The following RFX3 variants were observed in gnomAD, a reference collection of about 807,000 sequenced individuals.
RFX3 encodes transcription factor RFX3.
A neutral mutation model predicts 98.6 loss-of-function variants in RFX3; 14 were observed. The observed-to-expected ratio is 0.14, with a 90% CI of 0.09 to 0.22. RFX3 has a LOEUF of 0.22. RFX3 is among the 10% of genes least tolerant of loss of function. The pLI is 1.00. For missense variants in RFX3, 639 were observed against 926.9 expected, an observed-to-expected ratio of 0.69 and a Z score of 4.03; for synonymous variants, 383 against 328.4, an observed-to-expected ratio of 1.17 and a Z score of -1.80.
intron 1 of RFX3, among the ~76,000 whole-genome samples, chr9:3,441,228 A>G (rs1418694374): frequency 6.6e-6 from 1 of 152,146 alleles, no homozygotes; most frequent in African/African-American, 2.4e-5. Flanking sequence ...AATGAATTAC[A>G]TGGTATGAGA....
intron 1 of RFX3, among the ~76,000 whole-genome samples, chr9:3,512,795 A>G (rs930468780): frequency 6.6e-6 from 1 of 152,074 alleles, no homozygotes; most frequent in African/African-American, 2.4e-5. Context: ...TGTTCATTCA[A>G]TAAATTATTT....
chr9:3,464,991 T>G (rs1274464731), intron 1 of RFX3, among the ~76,000 whole-genome samples: 2 of 152,194 alleles, frequency 1.3e-5, no homozygotes, highest in African/African-American at 4.8e-5. Flanking sequence ...TTTTACCACT[T>G]AATTTATATT....
At chr9:3,406,496 T>C (rs984060328) in intron 1 of RFX3, among the ~76,000 whole-genome samples, 1 of 151,996 alleles carries the variant, frequency 6.6e-6, no homozygotes, top group Admixed American at 6.6e-5. Context: ...ATCACATCTA[T>C]AGTGTAACTG....
intron 1 of RFX3, among the ~76,000 whole-genome samples, chr9:3,442,856 C>T (rs1587690677): frequency 1.3e-5 from 2 of 152,002 alleles, no homozygotes; most frequent in East Asian, 3.8e-4. Context: ...ATGCTAATAG[C>T]ACAATCCATA....
chr9:3,432,597 T>C (rs1055658097), intron 1 of RFX3, among the ~76,000 whole-genome samples: 2 of 151,990 alleles, frequency 1.3e-5, no homozygotes, highest in African/African-American at 4.8e-5. Flanking sequence ...AAAAAAAAGG[T>C]AATGGATGAA....
intron 1 of RFX3, among the ~76,000 whole-genome samples, chr9:3,497,967 T>A (rs1257231207): frequency 1.3e-5 from 2 of 152,024 alleles, no homozygotes; most frequent in East Asian, 3.8e-4. Context: ...CTTTTCCAAA[T>A]GCTGACACAA....
At chr9:3,259,369 T>C (rs1179464625) in intron 13 of RFX3, among the ~76,000 whole-genome samples, 1 of 152,046 alleles carries the variant, frequency 6.6e-6, no homozygotes, top group Non-Finnish European at 1.5e-5. Context: ...CTTTATATTA[T>C]ACTTCATTTT....
At chr9:3,353,295 T>C (rs1055454496) in intron 2 of RFX3, among the ~76,000 whole-genome samples, 8 of 151,752 alleles carry the variant, frequency 5.3e-5, no homozygotes, top group Non-Finnish European at 1.2e-4. Flanking sequence ...CATGTATACA[T>C]ATGTAACTAA....
intron 1 of RFX3, among the ~76,000 whole-genome samples, chr9:3,403,920 T>C (rs1376043149): frequency 1.3e-5 from 2 of 152,188 alleles, no homozygotes; most frequent in Non-Finnish European, 2.9e-5. Flanking sequence ...AATGACAGTG[T>C]TCCTCTAGAT....
chr9:3,485,319 G>A (rs1173857559), intron 1 of RFX3, among the ~76,000 whole-genome samples: 3 of 152,036 alleles, frequency 2.0e-5, no homozygotes, highest in South Asian at 2.1e-4. Context: ...GCACTATTCT[G>A]TGCCAGGCAC....
chr9:3,283,068 C>T (rs1003628433), intron 7 of RFX3, among the ~76,000 whole-genome samples: 9 of 151,656 alleles, frequency 5.9e-5, no homozygotes, highest in African/African-American at 2.2e-4. Context: ...TATGTTTCTC[C>T]TCTCTTCAAT....
At chr9:3,400,855 G>A (rs1841410075) in intron 1 of RFX3, among the ~76,000 whole-genome samples, 1 of 152,120 alleles carries the variant, frequency 6.6e-6, no homozygotes, top group African/African-American at 2.4e-5. Flanking sequence ...AGAAACTGAG[G>A]CACAAATGGA....
intron 2 of RFX3, among the ~76,000 whole-genome samples, chr9:3,373,946 C>CGG (rs1463565238): frequency 6.6e-6 from 1 of 152,046 alleles, no homozygotes; most frequent in East Asian, 1.9e-4. Flanking sequence ...GGAGTGGTGG[C>CGG]ATGCGCCTGT....
intron 15 of RFX3, among the ~76,000 whole-genome samples, chr9:3,244,322 G>C (rs994528654): frequency 6.6e-6 from 1 of 152,054 alleles, no homozygotes; most frequent in African/African-American, 2.4e-5. Context: ...TTCATCATTT[G>C]TAACACAGGT....
chr9:3,408,736 G>C (rs1587553370), intron 1 of RFX3, among the ~76,000 whole-genome samples: 1 of 151,994 alleles, frequency 6.6e-6, no homozygotes, highest in Non-Finnish European at 1.5e-5. Context: ...TAAACACAGA[G>C]GGAGAAGACC....
At chr9:3,336,415 T>A (rs974121270) in intron 3 of RFX3, among the ~76,000 whole-genome samples, 2 of 150,990 alleles carry the variant, frequency 1.3e-5, no homozygotes, top group African/African-American at 2.4e-5. Context: ...AAAAAAAAAA[T>A]ACAATATAAA....
intron 1 of RFX3, among the ~76,000 whole-genome samples, chr9:3,397,686 T>G (rs1410503261): frequency 1.3e-5 from 2 of 152,212 alleles, no homozygotes; most frequent in Non-Finnish European, 2.9e-5. Context: ...GACATTGGCA[T>G]CTTTTTAGGG....
intron 1 of RFX3, among the ~76,000 whole-genome samples, chr9:3,472,451 T>C (rs993616992): frequency 1.3e-5 from 2 of 152,308 alleles, no homozygotes; most frequent in African/African-American, 2.4e-5. Flanking sequence ...CTCATAGTTA[T>C]CATTCAAAAT....
chr9:3,490,748 G>C (rs1850663275), intron 1 of RFX3, among the ~76,000 whole-genome samples: 1 of 152,036 alleles, frequency 6.6e-6, no homozygotes, highest in Non-Finnish European at 1.5e-5. Context: ...TTGTAGAGAA[G>C]CAAAAGTGAG....
Sources: gnomAD v4.1 joint callset for allele counts (sites outside exome capture counted in the v4.1 genomes callset) on GRCh38, gnomAD v4.1.1 for gene constraint, MANE v1.5 for transcripts, NCBI Gene and HGNC (gene_info 2026-07-23, HGNC 2026-07-21) for gene names.